The following LRRTM3 variants were observed in gnomAD, a reference collection of about 807,000 sequenced individuals.
LRRTM3 encodes leucine-rich repeat transmembrane neuronal protein 3.
A neutral mutation model predicts 44.7 loss-of-function variants in LRRTM3; 24 were observed. The ratio of observed to expected loss-of-function variants is 0.54; its 90% confidence interval spans 0.39 to 0.76. The LOEUF is 0.76. LRRTM3 is among the 30% of genes least tolerant of loss of function. The pLI is 0.00. For missense variants in LRRTM3, 587 were observed against 702.2 expected, an observed-to-expected ratio of 0.84 and a Z score of 1.85; for synonymous variants, 277 against 278.7, an observed-to-expected ratio of 0.99 and a Z score of 0.06.
At chr10:67,097,207 AAAT>A (rs1381805852) in intron 2 of LRRTM3, among the ~76,000 whole-genome samples, 8 of 151,894 alleles carry the variant, frequency 5.3e-5, no homozygotes. Flanking sequence ...TATCCTAACC[AAAT>A]AATAGGATAA....
At chr10:66,940,253 A>G (rs1847929002) in intron 2 of LRRTM3, among the ~76,000 whole-genome samples, 1 of 152,178 alleles carries the variant, frequency 6.6e-6, no homozygotes, top group African/African-American at 2.4e-5. Flanking sequence ...TAGGCCCAGC[A>G]CTTTGGGAGG....
chr10:67,042,121 G>T (rs1371714846), intron 2 of LRRTM3, among the ~76,000 whole-genome samples: 1 of 152,166 alleles, frequency 6.6e-6, no homozygotes, highest in Non-Finnish European at 1.5e-5. Flanking sequence ...AACTATGAAA[G>T]AAGAGGATTT....
At chr10:67,049,409 T>G (rs1854950365) in intron 2 of LRRTM3, among the ~76,000 whole-genome samples, 1 of 152,162 alleles carries the variant, frequency 6.6e-6, no homozygotes. Flanking sequence ...TAAACTGAAT[T>G]TCTAAGCCAC....
chr10:66,944,104 C>T (rs537039933), intron 2 of LRRTM3, among the ~76,000 whole-genome samples: 1 of 152,298 alleles, frequency 6.6e-6, no homozygotes, highest in East Asian at 1.9e-4. Flanking sequence ...TTCTCTATAG[C>T]ATATGGTGTT....
At position 66,927,050 on chromosome 10, in the gene LRRTM3, T is replaced by C. The variant is rs1360560172; in HGVS notation, c.134T>C (p.Val45Ala). 1 of 1,614,178 alleles carries C rather than the reference T, an allele frequency of 6.2e-7. No individual in the cohort carries two copies. Among genetic ancestry groups the C allele is most frequent in the Non-Finnish European group, 8.5e-7 (1 of 1,180,044 alleles). Residue 45 changes from valine to alanine, a missense_variant, in exon 2 of 3, where the codon GTA (valine) becomes GCA (alanine). Val to Ala is a moderately conservative substitution (Grantham distance 64). This residue lies in a region of LRRTM3 where 222 missense variants were observed against 323.3 expected (regional missense o/e 0.69). Transcript: ENST00000361320. This position sits in a 1 kb window ranked among gnomAD's most constrained non-coding sequence, Gnocchi z 4.7. ...GGCTGTAGGTGTGAAGGCAAAATGG[T>C]ATATTGTGAATCTCAGAAATTACAG... The part of the protein sequence containing the change: ...PKGCRCEGKM[V>A]YCESQKLQEI...
intron 2 of LRRTM3, among the ~76,000 whole-genome samples, chr10:66,983,597 T>G (rs1850568360): frequency 6.6e-6 from 1 of 151,982 alleles, no homozygotes; most frequent in Non-Finnish European, 1.5e-5. Flanking sequence ...TTGTACAACA[T>G]CAAACATAAC....
At chr10:66,954,529 C>A (rs533714517) in intron 2 of LRRTM3, among the ~76,000 whole-genome samples, 207 of 152,232 alleles carry the variant, frequency 1.4e-3, no homozygotes, top group Admixed American at 4.8e-3. Flanking sequence ...CCTCTTAGGG[C>A]AAACTGTAGG....
intron 2 of LRRTM3, among the ~76,000 whole-genome samples, chr10:67,003,104 C>T (rs1007418848): frequency 6.6e-6 from 1 of 152,162 alleles, no homozygotes; most frequent in Non-Finnish European, 1.5e-5. Flanking sequence ...AACATAATTA[C>T]AATGCCCCTT....
In LRRTM3 at chr10:66,927,966, T is replaced by A; in HGVS notation, c.1050T>A (p.Asn350Lys). 1 of 1,614,120 alleles carries A rather than the reference T, an allele frequency of 6.2e-7. No homozygotes were observed. Among genetic ancestry groups the A allele is most frequent in the Non-Finnish European group, 8.5e-7 (1 of 1,180,028 alleles). The change falls in exon 2 of 3, where the codon AAT becomes AAA. Residue 350 changes from asparagine to lysine, a missense_variant. Physicochemically the swap from Asn to Lys is moderately conservative, Grantham distance 94. Around this residue, in one of 3 missense-constraint regions of LRRTM3, gnomAD observed 315 missense variants for 335.6 expected, o/e 0.94. Coordinates refer to ENST00000361320, the MANE Select transcript of LRRTM3 (RefSeq NM_178011.5). This position sits in a 1 kb window ranked among gnomAD's most constrained non-coding sequence, Gnocchi z 4.7. Reference sequence around the variant, plus strand: ...GTCCCAAAGAGCTGCAAGGAGTAAATGTGATCGATGCAGTGAAGAACTACA... The same window carrying A: ...GTCCCAAAGAGCTGCAAGGAGTAAAAGTGATCGATGCAGTGAAGAACTACA... ...CASPKELQGVNVIDAVKNYSI... is the reference protein window; with the variant it reads ...CASPKELQGVKVIDAVKNYSI...
intron 2 of LRRTM3, among the ~76,000 whole-genome samples, chr10:67,037,709 T>C (rs1854150851): frequency 6.6e-6 from 1 of 152,178 alleles, no homozygotes; most frequent in Admixed American, 6.5e-5. Flanking sequence ...CAGGACTTTA[T>C]GACTAAATAG....
At chr10:66,969,079 T>G (rs1472337512) in intron 2 of LRRTM3, among the ~76,000 whole-genome samples, 1 of 151,948 alleles carries the variant, frequency 6.6e-6, no homozygotes, top group Non-Finnish European at 1.5e-5. Flanking sequence ...TATGAGCTAT[T>G]TCTTTTAAAA....
At chr10:67,051,321 T>C (rs1180580920) in intron 2 of LRRTM3, among the ~76,000 whole-genome samples, 2 of 152,156 alleles carry the variant, frequency 1.3e-5, no homozygotes, top group Non-Finnish European at 2.9e-5. Context: ...AATTGTACTC[T>C]ATGTCTTATC....
rs917726275 is a variant in LRRTM3, at chr10:66,947,135, T to C, written c.1536+18683T>C. On this transcript the variant is annotated intron_variant, in intron 2 of 2. Transcript: ENST00000361320. ...AAAGCCAGCCCTACTCTAATGATTG[T>C]ATTAGAAAAAACTTGCATAAACTAC... Among the ~76,000 whole-genome samples the C allele has an allele frequency of 3.3e-5, 5 of 152,020 alleles. No homozygotes were observed. In the South Asian group the frequency reaches 1.0e-3, roughly 32 times the overall value.
chr10:66,997,737 A>G (rs1474820242), intron 2 of LRRTM3, among the ~76,000 whole-genome samples: 8 of 152,122 alleles, frequency 5.3e-5, no homozygotes, highest in African/African-American at 1.9e-4. Flanking sequence ...ATAACAATCT[A>G]TAAGAGAATT....
chr10:66,996,471 C>A (rs1055737244), intron 2 of LRRTM3, among the ~76,000 whole-genome samples: 1 of 151,754 alleles, frequency 6.6e-6, no homozygotes, highest in Admixed American at 6.6e-5. Context: ...TATGGTGAAA[C>A]CCTGTTTCTA....
At chr10:66,962,269 A>G (rs1157873327) in intron 2 of LRRTM3, among the ~76,000 whole-genome samples, 4 of 152,008 alleles carry the variant, frequency 2.6e-5, no homozygotes. Context: ...CTTATCACCC[A>G]CTAGCCTCTC....
chr10:67,060,868 G>A (rs1855717693), intron 2 of LRRTM3, among the ~76,000 whole-genome samples: 1 of 152,120 alleles, frequency 6.6e-6, no homozygotes, highest in African/African-American at 2.4e-5. Flanking sequence ...TTTAAGCTAT[G>A]ACTTTAACTA....
At chr10:67,029,691 TA>T in intron 2 of LRRTM3, among the ~76,000 whole-genome samples, 1 of 152,308 alleles carries the variant, frequency 6.6e-6, no homozygotes, top group African/African-American at 2.4e-5. Flanking sequence ...GTGGCTCTAC[TA>T]AAGCGTAAAA....
intron 2 of LRRTM3, among the ~76,000 whole-genome samples, chr10:66,986,939 T>C (rs1243161966): frequency 1.3e-5 from 2 of 152,098 alleles, no homozygotes; most frequent in Non-Finnish European, 2.9e-5. Context: ...TATATTTGAA[T>C]AAGGAGTCAA....
Sources: gnomAD v4.1 joint callset for allele counts (sites outside exome capture counted in the v4.1 genomes callset) on GRCh38, gnomAD v4.1.1 for gene constraint, gnomAD v4.1.1 regional missense constraint, Gnocchi (gnomAD v3.1) non-coding constraint, MANE v1.5 for transcripts, NCBI Gene and HGNC (gene_info 2026-07-23, HGNC 2026-07-21) for gene names.